Variants in ELP2 observed in about 807,000 individuals in gnomAD.
ELP2 encodes elongator complex protein 2.
A neutral mutation model predicts 119.2 loss-of-function variants in ELP2; 90 were observed. The observed-to-expected ratio is 0.75, with a 90% confidence interval of 0.64 to 0.90. The LOEUF is 0.90. Among genes scored for constraint, ELP2 ranks in the 40% least tolerant of loss-of-function variants. The pLI, the probability that ELP2 is intolerant of heterozygous loss-of-function variation, is 0.00. For synonymous variants in ELP2, 339 were observed against 331.0 expected (o/e 1.02, Z -0.26); for missense variants, 921 against 967.8 (o/e 0.95, Z 0.64).
chr18:36,167,355 T>C, intron 19 of ELP2, 133 bp downstream of exon 19: 1 of 635,158 alleles, frequency 1.6e-6, no homozygotes, highest in Non-Finnish European at 2.5e-6. Flanking sequence ...CTTTCTGTTT[T>C]TCGTATATGT....
At chr18:36,148,984 T>C (rs1035886887) in intron 11 of ELP2, among the ~76,000 whole-genome samples, 6 of 152,240 alleles carry the variant, frequency 3.9e-5, no homozygotes, top group African/African-American at 1.4e-4. Context: ...CCTTCAATCT[T>C]GTCAGGTTTC....
At chr18:36,165,977 G>A (rs12606053) in intron 18 of ELP2, among the ~76,000 whole-genome samples, 12,510 of 151,950 alleles carry the variant, frequency 0.082, 620 homozygotes, top group East Asian at 0.14. Flanking sequence ...ATCATTTGAA[G>A]TCAGAAGTTT....
intron 5 of ELP2, among the ~76,000 whole-genome samples, chr18:36,140,096 G>A (rs970667678): frequency 3.3e-5 from 5 of 151,622 alleles, no homozygotes; most frequent in African/African-American, 1.2e-4. Context: ...CTCCTGTCTC[G>A]GCCTCCCAAA....
Position 36,178,588 on chromosome 18 carries a change from A to G in ELP2, c.*3947A>G, listed in dbSNP as rs921533080. On this transcript the variant is annotated 3_prime_UTR_variant, in exon 22 of 22. Transcript: ENST00000358232. ...TATTTGATGATATTAAGGAAACAAC[A>G]TTTAAACATATGACAGTGGGGCTAT... 4.6e-5 allele frequency: 7 copies of G among 152,086 alleles called. No individual in the cohort carries two copies. Among genetic ancestry groups the G allele is most frequent in the Admixed American group, 4.6e-4 (7 of 15,260 alleles). The allele number at this position is 152,086 out of a possible 1,614,324, so 9.4% of individuals were successfully genotyped here.
chr18:36,131,177 A>T (rs2089608600), intron 1 of ELP2, among the ~76,000 whole-genome samples: 1 of 152,206 alleles, frequency 6.6e-6, no homozygotes. Flanking sequence ...CTATCTCAAA[A>T]AAACATTATT....
At chr18:36,133,349 A>C in intron 2 of ELP2, 33 bp downstream of exon 2, 66 of 1,498,502 alleles carry the variant, frequency 4.4e-5, no homozygotes, top group Non-Finnish European at 5.8e-5. Flanking sequence ...AGTTGATCTC[A>C]ATTGTTTTCT....
intron 1 of ELP2, 61 bp downstream of exon 1, chr18:36,130,132 T>TC: frequency 6.2e-7 from 1 of 1,609,220 alleles, no homozygotes; most frequent in Non-Finnish European, 8.5e-7. Context: ...GTGGACGTGC[T>TC]CCGGGCGCGC....
chr18:36,138,363 A>T lies in ELP2; in HGVS notation c.382A>T (p.Thr128Ser). The change falls in exon 4 of 22, where the codon ACA (threonine) becomes TCA (serine). Residue 128 changes from threonine (T) to serine (S), a missense_variant. Transcript: ENST00000358232. ...GAGGACATCAGATCCTGCATTATGT[A>T]CACTGATCGTTTCTGCAGCTGCAGA... ...QRRTSDPALC[T>S]LIVSAAADSA... The T allele has an allele frequency of 6.2e-7, 1 of 1,613,818 alleles. No individual in the cohort carries two copies. Among genetic ancestry groups the T allele is most frequent in the Non-Finnish European group, 8.5e-7 (1 of 1,179,924 alleles).
rs1043867108 is a variant in ELP2, at chr18:36,145,250, A to G, written c.892+216A>G. ...AAGTGGGAAAAGTGTAATTCCTGCC[A>G]TGATGCTGAAACTACCACACCCCCA... On this transcript the variant is annotated intron_variant, in intron 9 of 21. Transcript: ENST00000358232. The G allele has an allele frequency of 7.7e-5, 40 of 520,204 alleles. 1 individual carries two copies. Among genetic ancestry groups the G allele is most frequent in the South Asian group, 2.3e-4 (11 of 48,190 alleles). The allele number at this position is 520,204 out of a possible 1,614,324, so 32.2% of individuals were successfully genotyped here.
At chr18:36,146,207 T>TA in intron 10 of ELP2, 43 bp from the exon 11 acceptor site, 1 of 1,612,632 alleles carries the variant, frequency 6.2e-7, no homozygotes, top group Non-Finnish European at 8.5e-7. Flanking sequence ...GTGAGAAACA[T>TA]AGACTATTGA....
At chr18:36,161,721 C>T (rs1036544272) in intron 17 of ELP2, among the ~76,000 whole-genome samples, 2 of 152,162 alleles carry the variant, frequency 1.3e-5, no homozygotes, top group African/African-American at 4.8e-5. Context: ...AAGAGCCGCC[C>T]ACCTGCATGG....
chr18:36,138,484 C>T (rs562795859), intron 4 of ELP2, 58 bp downstream of exon 4: 135 of 1,534,400 alleles, frequency 8.8e-5, no homozygotes, highest in Middle Eastern at 3.7e-4. Context: ...AAATGAATGA[C>T]GAGTAGAAGA....
At chr18:36,165,708 C>T (rs2090875298) in intron 18 of ELP2, among the ~76,000 whole-genome samples, 1 of 152,120 alleles carries the variant, frequency 6.6e-6, no homozygotes, top group East Asian at 1.9e-4. Flanking sequence ...ATGGTGAAAC[C>T]CCATCTCTAC....
chr18:36,170,982 A>G, intron 20 of ELP2, 65 bp from the exon 21 acceptor site: 1 of 1,155,146 alleles, frequency 8.7e-7, no homozygotes, highest in Non-Finnish European at 1.3e-6. Flanking sequence ...ACTACTTTAG[A>G]GCAATGACGA....
Position 36,170,084 on chromosome 18 carries a change from G to A in ELP2, c.2098G>A (p.Asp700Asn), listed in dbSNP as rs755512019. 15 of 1,613,994 alleles carry A rather than the reference G, an allele frequency of 9.3e-6. No homozygotes were observed. In the East Asian group the frequency reaches 1.1e-4, roughly 12 times the overall value. ...DKKVVVWGEC[D>N]STDDCIEHNI... ...TTAGGTGGTTGTCTGGGGTGAGTGC[G>A]ACTCCACTGATGACTGTATTGAGCA... The change falls in exon 20 of 22, where the codon GAC becomes AAC. Residue 700 changes from aspartate to asparagine, a missense_variant. Transcript: ENST00000358232.
chr18:36,180,132 G>A lies in ELP2; in HGVS notation c.*5491G>A, dbSNP rs767626079. On this transcript the variant is annotated 3_prime_UTR_variant, in exon 22 of 22. Transcript: ENST00000358232. ...CTTATTTCGCTGTCTGACGTCCTTA[G>A]TATGAGGCTTTCACCTTCCAGGATG... 9 of 152,374 alleles carry A rather than the reference G, an allele frequency of 5.9e-5. No homozygotes were observed. The highest frequency in any genetic ancestry group is 2.2e-4 in the African/African-American group (9 of 41,578). The allele number at this position is 152,374 out of a possible 1,614,324, so 9.4% of individuals were successfully genotyped here.
At position 36,138,298 on chromosome 18, in the gene ELP2, A is replaced by C; in HGVS notation, c.317A>C (p.His106Pro). 1 of 1,614,162 alleles carries C rather than the reference A, an allele frequency of 6.2e-7. No individual in the cohort carries two copies. Among genetic ancestry groups the C allele is most frequent in the Non-Finnish European group, 8.5e-7 (1 of 1,180,010 alleles). ...QLLKAVHLQG[H>P]EGPVYAVHAV... ...TTAAAAGCAGTGCATCTTCAAGGCC[A>C]TGAAGGACCTGTTTATGCGGTGCAT... The change falls in exon 4 of 22, where the codon CAT becomes CCT. Residue 106 changes from histidine (H) to proline (P), a missense_variant. Physicochemically the swap from His to Pro is moderately conservative, Grantham distance 77 (BLOSUM62 -2). Transcript: ENST00000358232.
chr18:36,162,923 G>GT (rs906202374), intron 17 of ELP2, among the ~76,000 whole-genome samples: 18 of 152,026 alleles, frequency 1.2e-4, no homozygotes, highest in East Asian at 9.7e-4. Context: ...AGTTTTTAAA[G>GT]TTTTTTTTAT....
At chr18:36,169,978 T>G (rs1289823127) in intron 19 of ELP2, 85 bp from the exon 20 acceptor site, 2 of 1,562,254 alleles carry the variant, frequency 1.3e-6, no homozygotes, top group Non-Finnish European at 1.8e-6. Flanking sequence ...AAATACTTTG[T>G]TTTATCTTTG....
Sources: gnomAD v4.1 joint callset for allele counts (sites outside exome capture counted in the v4.1 genomes callset) on GRCh38, gnomAD v4.1.1 for gene constraint, MANE v1.5 for transcripts, NCBI Gene and HGNC (gene_info 2026-07-23, HGNC 2026-07-21) for gene names.